Variants in PANX1 observed in about 807,000 individuals in gnomAD.
PANX1 encodes pannexin-1.
In PANX1, 30 loss-of-function variants were observed where a neutral mutation model predicts 38.7. That is an observed-to-expected ratio of 0.78 (90% CI 0.58 to 1.05). PANX1 has a LOEUF of 1.05. Ranked by LOEUF, PANX1 falls within the 50% of genes least tolerant of loss-of-function variation. The pLI is 0.00. For missense variants in PANX1, 551 were observed against 517.2 expected (o/e 1.07, Z -0.63); for synonymous variants, 230 against 212.2 (o/e 1.08, Z -0.73).
intron 2 of PANX1, among the ~76,000 whole-genome samples, chr11:94,166,909 A>G (rs1292977121): frequency 6.6e-6 from 1 of 152,130 alleles, no homozygotes; most frequent in East Asian, 1.9e-4. Flanking sequence ...ACTGCTTCTA[A>G]GACCAGTGCA....
chr11:94,164,182 A>G (rs1947077843), intron 2 of PANX1, among the ~76,000 whole-genome samples: 1 of 150,560 alleles, frequency 6.6e-6, no homozygotes, highest in South Asian at 2.1e-4. Flanking sequence ...TTTAAATTTT[A>G]TTGATGTTTT....
intron 2 of PANX1, among the ~76,000 whole-genome samples, chr11:94,172,968 TG>T (rs1218493288): frequency 6.6e-6 from 1 of 151,768 alleles, no homozygotes; most frequent in African/African-American, 2.4e-5. Flanking sequence ...ACAGCACCTT[TG>T]GTGCTGAATA....
chr11:94,146,122 C>T (rs1946826748), intron 1 of PANX1, among the ~76,000 whole-genome samples: 1 of 152,146 alleles, frequency 6.6e-6, no homozygotes, highest in African/African-American at 2.4e-5. Context: ...ACATTTTGTA[C>T]CAGGATCCAT....
At chr11:94,172,083 C>T (rs1018317561) in intron 2 of PANX1, among the ~76,000 whole-genome samples, 1 of 151,644 alleles carries the variant, frequency 6.6e-6, no homozygotes, top group African/African-American at 2.4e-5. Context: ...TAAGTAGACT[C>T]ATAGAAACTT....
chr11:94,145,360 T>A (rs1440475010), intron 1 of PANX1, among the ~76,000 whole-genome samples: 6 of 152,190 alleles, frequency 3.9e-5, no homozygotes, highest in Admixed American at 6.5e-5. Flanking sequence ...TAAAAAAAAA[T>A]TGCATAGATT....
At chr11:94,169,575 C>G (rs1355656571) in intron 2 of PANX1, among the ~76,000 whole-genome samples, 1 of 151,506 alleles carries the variant, frequency 6.6e-6, no homozygotes, top group Non-Finnish European at 1.5e-5. Context: ...TAGGGTGGGC[C>G]TTTAACTCAG....
intron 2 of PANX1, 50 bp from the exon 3 acceptor site, chr11:94,178,319 T>A (rs779911123): frequency 7.3e-7 from 1 of 1,376,776 alleles, no homozygotes; most frequent in Non-Finnish European, 1.0e-6. Context: ...CGCCATAGGT[T>A]ACTGCATGGG....
intron 1 of PANX1, among the ~76,000 whole-genome samples, chr11:94,142,480 G>C (rs1411712991): frequency 1.3e-5 from 2 of 152,176 alleles, no homozygotes; most frequent in Non-Finnish European, 2.9e-5. Context: ...TCCAGACACA[G>C]TGGTCTGCTT....
Position 94,129,270 on chromosome 11 carries a change from G to A in PANX1, c.-43G>A, listed in dbSNP as rs756657348. 3.2e-6 allele frequency: 5 copies of A among 1,547,450 alleles called. No individual in the cohort carries two copies. The African/African-American group carries it at 6.8e-5, about 21-fold the overall frequency. ...GGCGCCGCGCAGCTTTCCCGACGCC[G>A]GCTGTACCCGGACCTCCTGGTCGAG... On this transcript the variant is annotated 5_prime_UTR_variant, in exon 1 of 5. Coordinates refer to ENST00000227638, the MANE Select transcript of PANX1 (RefSeq NM_015368.4).
At chr11:94,164,348 A>G (rs558984660) in intron 2 of PANX1, among the ~76,000 whole-genome samples, 1 of 152,262 alleles carries the variant, frequency 6.6e-6, no homozygotes, top group Non-Finnish European at 1.5e-5. Flanking sequence ...TGCTTTAAAC[A>G]TCCCTGTTAG....
chr11:94,156,996 C>T (rs1946957100), intron 2 of PANX1, among the ~76,000 whole-genome samples: 1 of 151,836 alleles, frequency 6.6e-6, no homozygotes, highest in African/African-American at 2.4e-5. Context: ...TTTGTCCTTG[C>T]GATACTTTGC....
intron 2 of PANX1, among the ~76,000 whole-genome samples, chr11:94,157,062 C>T (rs529112809): frequency 2.0e-5 from 3 of 151,968 alleles, no homozygotes; most frequent in Non-Finnish European, 4.4e-5. Flanking sequence ...TGAACTCATC[C>T]TTTTTTATGG....
At chr11:94,143,686 C>G (rs1053661808) in intron 1 of PANX1, among the ~76,000 whole-genome samples, 2 of 151,920 alleles carry the variant, frequency 1.3e-5, no homozygotes, top group Non-Finnish European at 2.9e-5. Context: ...TCCAGAGAAC[C>G]TCTATTTATA....
chr11:94,136,942 A>G (rs1478953555), intron 1 of PANX1, among the ~76,000 whole-genome samples: 1 of 152,112 alleles, frequency 6.6e-6, no homozygotes, highest in Non-Finnish European at 1.5e-5. Context: ...CTCGGGAAAC[A>G]CAGTCATGGC....
At position 94,133,983 on chromosome 11, in the gene PANX1, C is replaced by T. The variant is rs528431545; in HGVS notation, c.181+4490C>T. Among the ~76,000 whole-genome samples the T allele has an allele frequency of 4.6e-5, 7 of 152,186 alleles. 1 individual carries two copies. The South Asian group carries it at 1.5e-3, about 32-fold the overall frequency. Reference sequence around the variant, plus strand: ...TGCCATTTAATGATACAAGTGCTGTCCTGGGTCAGGCCTGTCCTGGCCACC... The same window carrying T: ...TGCCATTTAATGATACAAGTGCTGTTCTGGGTCAGGCCTGTCCTGGCCACC... On this transcript the variant is annotated intron_variant, in intron 1 of 4. Coordinates refer to ENST00000227638, the MANE Select transcript of PANX1 (RefSeq NM_015368.4).
In PANX1 at chr11:94,179,927, G is replaced by A; in HGVS notation, c.871G>A (p.Val291Ile). 1 of 1,610,922 alleles carries A rather than the reference G, an allele frequency of 6.2e-7. No individual in the cohort carries two copies. The highest frequency in any genetic ancestry group is 1.1e-5 in the South Asian group (1 of 90,694). The change falls in exon 4 of 5, where the codon GTT (valine) becomes ATT (isoleucine). Residue 291 changes from valine to isoleucine, a missense_variant. Val to Ile is a conservative substitution (Grantham distance 29, BLOSUM62 3). Coordinates refer to ENST00000227638, the MANE Select transcript of PANX1 (RefSeq NM_015368.4). The part of the protein sequence containing the change: ...LVVYVLLAPV[V>I]VYTLFVPFRQ... ...GGTTTATGTCCTGCTGGCTCCCGTG[G>A]TTGTCTACACGCTGTTTGTTCCATT...
chr11:94,178,640 C>A, intron 3 of PANX1, 48 bp downstream of exon 3: 1 of 1,425,744 alleles, frequency 7.0e-7, no homozygotes, highest in South Asian at 1.2e-5. Flanking sequence ...AGGACAAATT[C>A]TCTGCCCTTC....
chr11:94,131,776 A>C (rs372532598), intron 1 of PANX1, among the ~76,000 whole-genome samples: 2 of 152,182 alleles, frequency 1.3e-5, no homozygotes, highest in Admixed American at 6.5e-5. Flanking sequence ...AGATTAATAC[A>C]TGGAGTTGGT....
intron 2 of PANX1, among the ~76,000 whole-genome samples, chr11:94,168,736 A>G (rs910565803): frequency 7.9e-5 from 12 of 151,538 alleles, no homozygotes; most frequent in Non-Finnish European, 1.6e-4. Context: ...GCTTGTGGCC[A>G]GATTTGGCTC....
Sources: gnomAD v4.1 joint callset for allele counts (sites outside exome capture counted in the v4.1 genomes callset) on GRCh38, gnomAD v4.1.1 for gene constraint, MANE v1.5 for transcripts, NCBI Gene and HGNC (gene_info 2026-07-23, HGNC 2026-07-21) for gene names.